Variants in CFAP74 observed in about 807,000 individuals in gnomAD.
The protein encoded by CFAP74 is cilia and flagella associated protein 74.
CFAP74 carries 124 observed loss-of-function variants against 188.9 expected under a neutral mutation model. The observed-to-expected ratio is 0.66, with a 90% CI of 0.57 to 0.76. The LOEUF is 0.76. Among genes scored for constraint, CFAP74 ranks in the 30% least tolerant of loss-of-function variants. CFAP74 has a pLI of 0.00. For missense variants in CFAP74, 2,198 were observed against 2,165.2 expected, an observed-to-expected ratio of 1.02 and a Z score of -0.30; for synonymous variants, 956 against 916.7, an observed-to-expected ratio of 1.04 and a Z score of -0.77.
Position 1,942,724 on chromosome 1 carries a change from C to T in CFAP74, c.2487-568G>A, listed in dbSNP as rs1271122522. On this transcript the variant is annotated intron_variant, in intron 21 of 38. Transcript: ENST00000682832. This position sits in a 1 kb window ranked among gnomAD's most constrained non-coding sequence, Gnocchi z 4.3. ...TCCGGCTCCCTTAAGCCAACGGCCTCCTCAGGACCACCTGGAGCCTCCCTG... is the reference window on the plus strand; with the variant it reads ...TCCGGCTCCCTTAAGCCAACGGCCTTCTCAGGACCACCTGGAGCCTCCCTG... 3.9e-5 allele frequency among the ~76,000 whole-genome samples: 6 copies of T among 152,178 alleles called. No homozygotes were observed. In the East Asian group the frequency reaches 9.6e-4, roughly 24 times the overall value.
chr1:1,969,698 C>T (rs1000178405), intron 10 of CFAP74, among the ~76,000 whole-genome samples: 1 of 152,238 alleles, frequency 6.6e-6, no homozygotes, highest in African/African-American at 2.4e-5. Context: ...GAGCTGCTGC[C>T]AGGACCCCCC....
chr1:1,947,997 C>T (rs142014712), intron 18 of CFAP74, among the ~76,000 whole-genome samples: 265 of 152,206 alleles, frequency 1.7e-3, no homozygotes, highest in East Asian at 6.2e-3. Flanking sequence ...CTCAGCCTTC[C>T]GAGTAGCTGG....
chr1:1,971,586 G>T (rs547002583), intron 9 of CFAP74, among the ~76,000 whole-genome samples: 1 of 152,362 alleles, frequency 6.6e-6, no homozygotes, highest in East Asian at 1.9e-4. Flanking sequence ...GCCCGCCTCT[G>T]CTCCTCACCT....
chr1:1,995,319 C>T (rs1428288960), intron 1 of CFAP74, among the ~76,000 whole-genome samples: 1 of 152,048 alleles, frequency 6.6e-6, no homozygotes, highest in East Asian at 1.9e-4. Context: ...TAGTGAAACC[C>T]CGTCTCTACT....
rs1443297865 is a variant in CFAP74 at position 1,966,663 on chromosome 1, C to T, written c.1246-137G>A. 9 of 608,618 alleles carry T rather than the reference C, an allele frequency of 1.5e-5. 1 individual carries two copies. The South Asian group carries it at 2.2e-4, about 15-fold the overall frequency. 37.7% of individuals were successfully genotyped at this position (608,618 alleles called of 1,614,324 possible). On this transcript the variant is annotated intron_variant, in intron 11 of 38. Transcript: ENST00000682832. The stretch of plus-strand genomic sequence containing the variant: ...CCTCACGTACTCTGCATGGAGATAG[C>T]GGTGCACACGGTTTTGTAACTTTTT...
intron 14 of CFAP74, among the ~76,000 whole-genome samples, chr1:1,961,310 T>A (rs1038664289): frequency 6.6e-6 from 1 of 151,570 alleles, no homozygotes; most frequent in Non-Finnish European, 1.5e-5. Flanking sequence ...CACAGTGAGG[T>A]CTAAGAAAAA....
intron 15 of CFAP74, 56 bp from the exon 16 acceptor site, chr1:1,959,265 GTT>G: frequency 2.8e-6 from 3 of 1,090,742 alleles, no homozygotes; most frequent in Non-Finnish European, 4.0e-6. Context: ...TGTGTGTTTT[GTT>G]TTTTTTTTGG....
chr1:1,924,024 C>A lies in CFAP74; in HGVS notation c.4235-95G>T, dbSNP rs1408440419. 7 of 1,313,912 alleles carry A rather than the reference C, an allele frequency of 5.3e-6. No homozygotes were observed. In the African/African-American group the frequency reaches 7.5e-5, roughly 14 times the overall value. The allele number at this position is 1,313,912 out of a possible 1,614,324, so 81.4% of individuals were successfully genotyped here. On this transcript the variant is annotated intron_variant, in intron 34 of 38. Transcript: ENST00000682832. Reference sequence around the variant, plus strand: ...GCATAGAGCTCTACACCCTGCCCGCCCCCCTGCAGAGCCCCTGTCCTGCCC... The same window carrying A: ...GCATAGAGCTCTACACCCTGCCCGCACCCCTGCAGAGCCCCTGTCCTGCCC...
chr1:1,943,816 G>A (rs924837786), intron 21 of CFAP74, among the ~76,000 whole-genome samples: 3 of 152,222 alleles, frequency 2.0e-5, no homozygotes, highest in Non-Finnish European at 2.9e-5. Flanking sequence ...AAGCCAAGAC[G>A]GAGCTAAGGC....
chr1:1,980,593 G>A (rs1349392494), intron 6 of CFAP74, among the ~76,000 whole-genome samples: 1 of 152,238 alleles, frequency 6.6e-6, no homozygotes, highest in African/African-American at 2.4e-5. Flanking sequence ...GCCTTCTTTG[G>A]GGGTTCCTGG....
chr1:1,993,875 G>C (rs948772438), intron 1 of CFAP74, among the ~76,000 whole-genome samples: 4 of 150,650 alleles, frequency 2.7e-5, no homozygotes, highest in African/African-American at 7.3e-5. Context: ...CCAGCTACTC[G>C]GGAGGCTGAG....
At position 1,973,764 on chromosome 1, in the gene CFAP74, G is replaced by C. The variant is rs1467717712; in HGVS notation, c.674+261C>G. Among the ~76,000 whole-genome samples, 1 of 152,108 alleles carries C rather than the reference G, an allele frequency of 6.6e-6. No homozygotes were observed. On this transcript the variant is annotated intron_variant, in intron 7 of 38. Coordinates refer to ENST00000682832, the MANE Select transcript of CFAP74 (RefSeq NM_001304360.2). The surrounding 1 kb of genome is among the most constrained non-coding windows in gnomAD (Gnocchi z 6.2). ...GCAGTCTTGCTGGAGCGTGGCTTTA[G>C]TAGCCAGCTTTAGCGGCTGTATGGT...
rs762046597 is a variant in CFAP74, at chr1:1,922,251, T to C, written c.*36A>G. 8 of 1,527,690 alleles carry C rather than the reference T, an allele frequency of 5.2e-6. No individual in the cohort carries two copies. The highest frequency in any genetic ancestry group is 1.1e-5 in the South Asian group (1 of 88,330). The allele number at this position is 1,527,690 out of a possible 1,614,324, so 94.6% of individuals were successfully genotyped here. ...CTCAGCCTGGGGAGGGCTTTGAGGG[T>C]GGACAGGAGGGCCCGAGGGTGCTCT... is the stretch of plus-strand genomic sequence containing the variant. On this transcript the variant is annotated 3_prime_UTR_variant, in exon 39 of 39. Coordinates refer to ENST00000682832, the MANE Select transcript of CFAP74 (RefSeq NM_001304360.2).
rs756149283 is a variant in CFAP74, at chr1:1,968,603, G to A, written c.1245+32C>T. On this transcript the variant is annotated intron_variant, in intron 11 of 38. Coordinates refer to ENST00000682832, the MANE Select transcript of CFAP74 (RefSeq NM_001304360.2). The surrounding 1 kb of genome is among the most constrained non-coding windows in gnomAD (Gnocchi z 4.3). Reference sequence around the variant, plus strand: ...CCCCACCTGCCCTCCACAGGTGTGCGGCTTCTGTCTACAGGAAGGCGTTTT... The same window carrying A: ...CCCCACCTGCCCTCCACAGGTGTGCAGCTTCTGTCTACAGGAAGGCGTTTT... 2.8e-5 allele frequency: 44 copies of A among 1,590,342 alleles called. No homozygotes were observed. The highest frequency in any genetic ancestry group is 6.7e-5 in the African/African-American group (5 of 74,456).
chr1:1,939,655 T>G lies in CFAP74; in HGVS notation c.2816A>C (p.Glu939Ala), dbSNP rs781645524. 1.3e-5 allele frequency: 20 copies of G among 1,536,040 alleles called. No homozygotes were observed. The highest frequency in any genetic ancestry group is 1.5e-5 in the Non-Finnish European group (17 of 1,146,864). ...YCTIYEAIRT[E>A]ISLHNHSLLP... ...GAGCGAGTGGTTGTGGAGGCTGATT[T>G]CCGTCCTGATGGCCTCATAGATGGT... Residue 939 changes from glutamate (E) to alanine (A), a missense_variant, in exon 24 of 39, where the codon GAA becomes GCA. Glu to Ala is a moderately radical substitution (Grantham distance 107). Transcript: ENST00000682832.
chr1:1,974,701 C>A (rs139295361), intron 6 of CFAP74, among the ~76,000 whole-genome samples: 1,525 of 152,358 alleles, frequency 0.01, 18 homozygotes, highest in African/African-American at 0.035. Flanking sequence ...CCTGCCTGAC[C>A]CCTGGTCTTG....
In CFAP74 at chr1:1,972,045, G is replaced by C. The variant is rs1359631777; in HGVS notation, c.823C>G (p.His275Asp). The change falls in exon 9 of 39, where the codon CAC becomes GAC. Residue 275 changes from histidine (H) to aspartate (D), a missense_variant. Coordinates refer to ENST00000682832, the MANE Select transcript of CFAP74 (RefSeq NM_001304360.2). ...EQEKKEEMEC[H>D]EYMRRRMDAV... ...TCCATGCGTCGCCTCATGTACTCGTGGCACTCCATCTCCTCCTTCTTCTCT... is the reference window on the plus strand; with the variant it reads ...TCCATGCGTCGCCTCATGTACTCGTCGCACTCCATCTCCTCCTTCTTCTCT... 6.2e-7 allele frequency: 1 copy of C among 1,613,028 alleles called. No homozygotes were observed. The highest frequency in any genetic ancestry group is 1.7e-5 in the Admixed American group (1 of 60,022).
At chr1:1,951,332 C>G (rs1654189178) in intron 18 of CFAP74, among the ~76,000 whole-genome samples, 5 of 152,164 alleles carry the variant, frequency 3.3e-5, no homozygotes, top group Admixed American at 3.3e-4. Context: ...TGAGACAAAA[C>G]CTGGGTGGGG....
rs995467259 is a variant in CFAP74 at position 1,927,021 on chromosome 1, C to G, written c.3535G>C (p.Glu1179Gln). 6 of 1,550,084 alleles carry G rather than the reference C, an allele frequency of 3.9e-6. No individual in the cohort carries two copies. Among genetic ancestry groups the G allele is most frequent in the Non-Finnish European group, 5.2e-6 (6 of 1,146,864 alleles). The change falls in exon 29 of 39, where the codon GAG becomes CAG. Residue 1179 changes from glutamate to glutamine, a missense_variant. By Grantham distance (29) the Glu-to-Gln change is conservative (BLOSUM62 2). Coordinates refer to ENST00000682832, the MANE Select transcript of CFAP74 (RefSeq NM_001304360.2). ...RKRELRPSSD[E>Q]YQAARATLLR... The stretch of plus-strand genomic sequence containing the variant: ...AGGGTGGCTCGGGCGGCCTGGTACT[C>G]GTCGGAACTAGAAGGAAGTCAGAGG...
Sources: allele counts gnomAD v4.1 joint callset (sites outside exome capture counted in the v4.1 genomes callset), GRCh38; gene constraint gnomAD v4.1.1; non-coding constraint Gnocchi (gnomAD v3.1); transcripts MANE v1.5; gene names NCBI Gene and HGNC (gene_info 2026-07-23, HGNC 2026-07-21).